OR51B5: variants seen among roughly 807,000 people sequenced by gnomAD.
OR51B5 encodes olfactory receptor family 51 subfamily B member 5.
For synonymous variants in OR51B5, 186 were observed against 144.8 expected (o/e 1.28, Z -2.04); for missense variants, 456 against 374.6 (o/e 1.22, Z -1.79).
intron 1 of OR51B5, among the ~76,000 whole-genome samples, chr11:5,468,048 A>C (rs181650806): frequency 1.3e-5 from 2 of 152,340 alleles, no homozygotes; most frequent in African/African-American, 4.8e-5. Flanking sequence ...CAGCTATTAC[A>C]TATCTTTAGT....
intron 1 of OR51B5, among the ~76,000 whole-genome samples, chr11:5,482,266 T>C (rs1341947805): frequency 1.2e-5 from 1 of 83,644 alleles, no homozygotes; most frequent in East Asian, 5.3e-4. Flanking sequence ...AAGGATTCCC[T>C]ATTTAATAAA....
intron 1 of OR51B5, among the ~76,000 whole-genome samples, chr11:5,493,923 A>T (rs781540144): frequency 6.6e-6 from 1 of 152,190 alleles, no homozygotes; most frequent in South Asian, 2.1e-4. Flanking sequence ...ATTCATATAT[A>T]TTTTTACATT....
intron 1 of OR51B5, among the ~76,000 whole-genome samples, chr11:5,361,197 CT>C (rs1465722668): frequency 1.3e-5 from 2 of 152,138 alleles, no homozygotes; most frequent in African/African-American, 2.4e-5. Context: ...CCTACATTTT[CT>C]TTTCTACCCC....
intron 1 of OR51B5, chr11:5,440,562 A>T: frequency 6.2e-7 from 1 of 1,606,030 alleles, no homozygotes; most frequent in South Asian, 1.1e-5. Context: ...TGGGGCCTTC[A>T]GCCTTCCTCA....
At chr11:5,432,733 G>A (rs1022308156) in intron 1 of OR51B5, among the ~76,000 whole-genome samples, 3 of 152,180 alleles carry the variant, frequency 2.0e-5, no homozygotes, top group Non-Finnish European at 4.4e-5. Flanking sequence ...CTAGGACCCA[G>A]AGAGAAAAAT....
At chr11:5,491,776 C>T (rs983993333) in intron 1 of OR51B5, among the ~76,000 whole-genome samples, 2 of 152,156 alleles carry the variant, frequency 1.3e-5, no homozygotes, top group African/African-American at 4.8e-5. Context: ...TCCCAGTGTA[C>T]AGCATCATCT....
chr11:5,461,177 G>A (rs954266659), intron 1 of OR51B5, among the ~76,000 whole-genome samples: 1 of 152,206 alleles, frequency 6.6e-6, no homozygotes, highest in African/African-American at 2.4e-5. Flanking sequence ...ATGCCAATGG[G>A]ATGACTGGGG....
chr11:5,422,181 TG>T, intron 1 of OR51B5: 3 of 1,553,862 alleles, frequency 1.9e-6, no homozygotes, highest in Non-Finnish European at 2.6e-6. Flanking sequence ...ATCCTGAATC[TG>T]AAGACACATT....
intron 1 of OR51B5, among the ~76,000 whole-genome samples, chr11:5,383,190 C>T (rs1175558277): frequency 6.6e-6 from 1 of 152,018 alleles, no homozygotes; most frequent in Non-Finnish European, 1.5e-5. Context: ...AAGGAAAGTC[C>T]AGTGCATTCA....
intron 1 of OR51B5, among the ~76,000 whole-genome samples, chr11:5,434,762 C>G (rs992835683): frequency 9.9e-5 from 15 of 152,130 alleles, no homozygotes; most frequent in African/African-American, 3.4e-4. Flanking sequence ...TCCTAAGATG[C>G]CTTATTTCAA....
At chr11:5,343,048 C>A (rs146969859) in exon 1 of OR51B5, 3 of 1,613,528 alleles carry the variant, frequency 1.9e-6, no homozygotes, top group South Asian at 2.2e-5. Context: ...AATAGAGGGG[C>A]CTGATTGGGG....
chr11:5,385,581 A>C (rs1279011680), intron 1 of OR51B5: 1 of 152,128 alleles, frequency 6.6e-6, no homozygotes, highest in Non-Finnish European at 1.5e-5. Context: ...AGTCTAATCA[A>C]CTTAAAAAAT....
intron 1 of OR51B5, chr11:5,389,319 T>G: frequency 1.5e-6 from 2 of 1,345,888 alleles, no homozygotes; most frequent in Non-Finnish European, 2.1e-6. Flanking sequence ...ATGGTACTGC[T>G]TGTGATGTTG....
intron 1 of OR51B5, chr11:5,403,567 G>A (rs993443972): frequency 2.2e-6 from 1 of 460,796 alleles, no homozygotes; most frequent in South Asian, 1.6e-5. Context: ...ATAGTAGGAA[G>A]AAATGTTTTT....
intron 1 of OR51B5, among the ~76,000 whole-genome samples, chr11:5,452,606 T>TGGAGATAC (rs1850874032): frequency 8.2e-6 from 1 of 122,658 alleles, no homozygotes; most frequent in East Asian, 2.3e-4. Context: ...TATGGAGATA[T>TGGAGATAC]GGAGAGAGTA....
At chr11:5,421,834 T>C (rs150425487) in intron 1 of OR51B5, among the ~76,000 whole-genome samples, 48 of 152,334 alleles carry the variant, frequency 3.2e-4, no homozygotes, top group East Asian at 9.6e-4. Context: ...ATTTATACAA[T>C]AGAGTTCATT....
chr11:5,396,312 T>C (rs1024265194), intron 1 of OR51B5, among the ~76,000 whole-genome samples: 6 of 152,226 alleles, frequency 3.9e-5, no homozygotes, highest in African/African-American at 1.2e-4. Context: ...ATTGCATATC[T>C]AGAAAACCCC....
chr11:5,428,214 G>A (rs903099767), intron 1 of OR51B5, among the ~76,000 whole-genome samples: 12 of 152,010 alleles, frequency 7.9e-5, no homozygotes, highest in African/African-American at 2.9e-4. Context: ...GAAGATATAG[G>A]CGTACCTTGG....
At chr11:5,381,527 A>C (rs1486378689) in intron 1 of OR51B5, among the ~76,000 whole-genome samples, 1 of 152,192 alleles carries the variant, frequency 6.6e-6, no homozygotes, top group African/African-American at 2.4e-5. Flanking sequence ...CCTATTTTGG[A>C]AACTTCGTTG....
Sources: allele counts gnomAD v4.1 joint callset (sites outside exome capture counted in the v4.1 genomes callset), GRCh38; gene constraint gnomAD v4.1.1; transcripts MANE v1.5; gene names NCBI Gene and HGNC (gene_info 2026-07-23, HGNC 2026-07-21).